CIITA: variants seen among roughly 807,000 people sequenced by gnomAD.
CIITA encodes MHC class II transactivator.
Under a neutral mutation model 115.1 loss-of-function variants are expected in CIITA, and 72 were observed. That is an observed-to-expected ratio of 0.63 (90% CI 0.52 to 0.76). CIITA has a LOEUF of 0.76. Among genes scored for constraint, CIITA ranks in the 30% least tolerant of loss-of-function variants. The pLI is 0.00. For missense variants in CIITA, 1,617 were observed against 1,463.8 expected (o/e 1.10, Z -1.71); for synonymous variants, 763 against 635.6 (o/e 1.20, Z -3.02).
chr16:10,878,094 T>C (rs1205432392), intron 1 of CIITA, among the ~76,000 whole-genome samples: 2 of 152,200 alleles, frequency 1.3e-5, no homozygotes, highest in African/African-American at 2.4e-5. Context: ...ATGAGGGACC[T>C]AGCACAGTGT....
In CIITA at chr16:10,898,923, A is replaced by G. The variant is rs2144414230; in HGVS notation, c.359-2A>G. 2 of 1,613,924 alleles carry G rather than the reference A, an allele frequency of 1.2e-6. No individual in the cohort carries two copies. Among genetic ancestry groups the G allele is most frequent in the Non-Finnish European group, 1.7e-6 (2 of 1,179,970 alleles). On this transcript the variant is annotated splice_acceptor_variant, in intron 4 of 19. Coordinates refer to ENST00000324288, the MANE Select transcript of CIITA (RefSeq NM_000246.4). LOFTEE classifies it high-confidence loss of function. The stretch of plus-strand genomic sequence containing the variant: ...GTTGGTCTCTGGTTTTTCTCAAAGT[A>G]GAGCACATAGGACCAGATGAAGTGA...
At chr16:10,888,886 G>C (rs2037238608) in intron 1 of CIITA, 1 of 152,210 alleles carries the variant, frequency 6.6e-6, no homozygotes, top group Admixed American at 6.5e-5. Flanking sequence ...GAGATGGGTA[G>C]TTTGGTTCAA....
chr16:10,899,851 G>T (rs147469142), intron 5 of CIITA, among the ~76,000 whole-genome samples: 1 of 152,042 alleles, frequency 6.6e-6, no homozygotes, highest in African/African-American at 2.4e-5. Context: ...AGGCCAAGGG[G>T]GACGGATCAC....
At chr16:10,904,544 A>G (rs193261735) in intron 9 of CIITA, among the ~76,000 whole-genome samples, 200 bp from the exon 10 acceptor site, 1 of 152,326 alleles carries the variant, frequency 6.6e-6, no homozygotes, top group African/African-American at 2.4e-5. Context: ...TTCTTTTTTA[A>G]ACATGAGTGA....
Position 10,901,527 on chromosome 16 carries a change from G to C in CIITA, c.450G>C (p.Glu150Asp). Reference sequence around the variant, plus strand: ...TTTTCTCTGCAGCCTTCCCAGAGGAGCTTCCGGCAGACCTGAAGCACTGGA... The same window carrying C: ...TTTTCTCTGCAGCCTTCCCAGAGGACCTTCCGGCAGACCTGAAGCACTGGA... ...QKSQKRPFPEELPADLKHWKP... is the reference protein window; with the variant it reads ...QKSQKRPFPEDLPADLKHWKP... Residue 150 changes from glutamate to aspartate, a missense_variant, in exon 6 of 20, where the codon GAG becomes GAC. By Grantham distance (45) the Glu-to-Asp change is conservative. Coordinates refer to ENST00000324288, the MANE Select transcript of CIITA (RefSeq NM_000246.4). This position sits in a 1 kb window ranked among gnomAD's most constrained non-coding sequence, Gnocchi z 6.8. 6.2e-7 allele frequency: 1 copy of C among 1,614,116 alleles called. No homozygotes were observed. Among genetic ancestry groups the C allele is most frequent in the Non-Finnish European group, 8.5e-7 (1 of 1,180,028 alleles).
At chr16:10,922,037 CA>C in intron 16 of CIITA, 129 bp from the exon 17 acceptor site, 1 of 815,246 alleles carries the variant, frequency 1.2e-6, no homozygotes. Flanking sequence ...CTCTGTTGTG[CA>C]ATAAATATTG....
intron 15 of CIITA, among the ~76,000 whole-genome samples, chr16:10,918,114 G>A (rs1303261969): frequency 5.3e-5 from 8 of 152,124 alleles, no homozygotes; most frequent in Non-Finnish European, 8.8e-5. Flanking sequence ...CCCACAACCC[G>A]GCAGAAAGGA....
rs2040933335 is a variant in CIITA at position 10,934,360 on chromosome 16, T to C, written c.*10505T>C. 6.6e-6 allele frequency: 1 copy of C among 152,188 alleles called. No homozygotes were observed. The highest frequency in any genetic ancestry group is 1.5e-5 in the Non-Finnish European group (1 of 68,038). The allele number at this position is 152,188 out of a possible 1,614,324, so 9.4% of individuals were successfully genotyped here. A position where few individuals can be genotyped will look rare whatever the true frequency, so the allele number is the denominator to read the frequency against. On this transcript the variant is annotated 3_prime_UTR_variant, in exon 20 of 20. Coordinates refer to ENST00000324288, the MANE Select transcript of CIITA (RefSeq NM_000246.4). This position sits in a 1 kb window ranked among gnomAD's most constrained non-coding sequence, Gnocchi z 4.2. ...ACAGAAGGCAATGCTAAAAATACAA[T>C]GAAAATGGAACCAGGAAGTCTAGCT...
chr16:10,897,676 C>T (rs2038270291), intron 3 of CIITA, among the ~76,000 whole-genome samples: 2 of 152,136 alleles, frequency 1.3e-5, no homozygotes, highest in Admixed American at 1.3e-4. Flanking sequence ...TCACACCCAC[C>T]ATCACGGGAT....
chr16:10,898,174 C>G (rs991212310), intron 3 of CIITA, among the ~76,000 whole-genome samples: 1 of 152,136 alleles, frequency 6.6e-6, no homozygotes, highest in African/African-American at 2.4e-5. Context: ...GAGCCATGTA[C>G]CCCTTTATAT....
intron 13 of CIITA, among the ~76,000 whole-genome samples, chr16:10,912,564 C>A (rs558464455): frequency 6.6e-6 from 1 of 152,196 alleles, no homozygotes; most frequent in South Asian, 2.1e-4. Context: ...TGGTCACCCA[C>A]AAGCTATCAG....
rs2144298630 is a variant in CIITA at position 10,895,652 on chromosome 16, G to A, written c.200-17G>A. ...TCCAGAAATTTCCTTCTTCATCCAA[G>A]GGACTTTTCCTCCCAGAACCCGACA... On this transcript the variant is annotated splice_polypyrimidine_tract_variant and intron_variant, in intron 2 of 19. Coordinates refer to ENST00000324288, the MANE Select transcript of CIITA (RefSeq NM_000246.4). 1.2e-6 allele frequency: 2 copies of A among 1,614,022 alleles called. No individual in the cohort carries two copies. The highest frequency in any genetic ancestry group is 1.7e-6 in the Non-Finnish European group (2 of 1,179,962).
At chr16:10,893,900 A>C (rs1304913692) in intron 1 of CIITA, among the ~76,000 whole-genome samples, 1 of 148,074 alleles carries the variant, frequency 6.8e-6, no homozygotes, top group Non-Finnish European at 1.5e-5. Flanking sequence ...CCCCACAGTC[A>C]ATTTTAGCAC....
rs922586393 is a variant in CIITA at position 10,907,226 on chromosome 16, G to T, written c.1734G>T (p.Val578=). 6.2e-6 allele frequency: 10 copies of T among 1,613,408 alleles called. No homozygotes were observed. The highest frequency in any genetic ancestry group is 8.5e-6 in the Non-Finnish European group (10 of 1,180,006). ...GFSMEQAQAY[V]MRYFESSGMT... ...CCATGGAGCAGGCCCAGGCATACGTGATGCGCTACTTTGAGAGCTCAGGGA... is the reference window on the plus strand; with the variant it reads ...CCATGGAGCAGGCCCAGGCATACGTTATGCGCTACTTTGAGAGCTCAGGGA... Residue 578 remains valine, a synonymous_variant, in exon 11 of 20, where the codon GTG becomes GTT. Transcript: ENST00000324288. This position sits in a 1 kb window ranked among gnomAD's most constrained non-coding sequence, Gnocchi z 5.0.
At chr16:10,867,311 C>T (rs1286291811) in intron 1 of CIITA, among the ~76,000 whole-genome samples, 1 of 124,416 alleles carries the variant, frequency 8.0e-6, no homozygotes, top group African/African-American at 2.6e-5. Flanking sequence ...AAGCAGAGCC[C>T]ACTGTGTGTG....
In CIITA at chr16:10,941,428, C is replaced by T; in HGVS notation, n.554C>T. On this transcript the variant is annotated non_coding_transcript_exon_variant, in exon 2 of 2. Transcript: ENST00000573379. This position sits in a 1 kb window ranked among gnomAD's most constrained non-coding sequence, Gnocchi z 6.4. ...ACGAAGGGCTTAAGAGGAGTCTGGC[C>T]ATTCCTGGCATCCAGTTAGACCTGG... The T allele has an allele frequency of 2.5e-6, 2 of 809,098 alleles. No homozygotes were observed. Among genetic ancestry groups the T allele is most frequent in the South Asian group, 3.1e-5 (1 of 32,116 alleles). The allele number at this position is 809,098 out of a possible 1,614,324, so 50.1% of individuals were successfully genotyped here.
chr16:10,916,343 G>C (rs2039947613), intron 14 of CIITA, 24 bp from the exon 15 acceptor site: 1 of 1,611,222 alleles, frequency 6.2e-7, no homozygotes, highest in African/African-American at 1.3e-5. Context: ...CTAGCTGATG[G>C]CCCCCATCTG....
chr16:10,904,961 AT>A, intron 10 of CIITA, 149 bp downstream of exon 10: 1 of 837,606 alleles, frequency 1.2e-6, no homozygotes, highest in Non-Finnish European at 2.0e-6. Flanking sequence ...TCATTCACTT[AT>A]TTGATTATGC....
rs199476067 is a variant in CIITA, at chr16:10,906,405, A to G, written c.1007-94A>G. 2.1e-5 allele frequency: 28 copies of G among 1,361,366 alleles called. No homozygotes were observed. The African/African-American group carries it at 4.0e-4, about 19-fold the overall frequency. The allele number at this position is 1,361,366 out of a possible 1,614,324, so 84.3% of individuals were successfully genotyped here. A position where few individuals can be genotyped will look rare whatever the true frequency, so the allele number is the denominator to read the frequency against. ...AACAAAAAAACTGTGTGGGGAACAG[A>G]TGTAAATGATGGTGGCAGTGCTGGC... On this transcript the variant is annotated intron_variant, in intron 10 of 19. Coordinates refer to ENST00000324288, the MANE Select transcript of CIITA (RefSeq NM_000246.4).
Sources: allele counts gnomAD v4.1 joint callset (sites outside exome capture counted in the v4.1 genomes callset), GRCh38; gene constraint gnomAD v4.1.1; non-coding constraint Gnocchi (gnomAD v3.1); transcripts MANE v1.5; gene names NCBI Gene and HGNC (gene_info 2026-07-23, HGNC 2026-07-21).